GALNT11: variants seen among roughly 807,000 people sequenced by gnomAD.
GALNT11 encodes the protein polypeptide N-acetylgalactosaminyltransferase 11, also known as UDP-GalNAc:polypeptide N-acetylgalactosaminyltransferase 11.
Under a neutral mutation model 72.7 loss-of-function variants are expected in GALNT11, and 47 were observed. That is an observed-to-expected ratio of 0.65 (90% CI 0.51 to 0.82). The LOEUF (loss-of-function observed/expected upper bound fraction) is 0.82, where lower values mean the gene tolerates loss of function less well. Ranked by LOEUF, GALNT11 falls within the 40% of genes least tolerant of loss-of-function variation. GALNT11 has a pLI of 0.00. For synonymous variants in GALNT11, 270 were observed against 286.6 expected, an observed-to-expected ratio of 0.94 and a Z score of 0.58; for missense variants, 677 against 778.4, an observed-to-expected ratio of 0.87 and a Z score of 1.55.
At chr7:152,074,349 A>C (rs1271891483) in intron 1 of GALNT11, 1 of 152,286 alleles carries the variant, frequency 6.6e-6, no homozygotes, top group South Asian at 2.1e-4. Context: ...ATTCCTCTGC[A>C]TATGAATATC....
chr7:152,107,291 G>A (rs2087675653), intron 5 of GALNT11: 1 of 151,692 alleles, frequency 6.6e-6, no homozygotes, highest in Non-Finnish European at 1.5e-5. Flanking sequence ...ATCAAGAGGA[G>A]CTTAAAATGC....
chr7:152,083,227 G>A (rs548148544), intron 1 of GALNT11, among the ~76,000 whole-genome samples: 10 of 151,982 alleles, frequency 6.6e-5, no homozygotes, highest in Non-Finnish European at 1.3e-4. Context: ...TTTAGTCCTA[G>A]CTAGAAAAAT....
At chr7:152,067,694 T>C (rs2084388062) in intron 1 of GALNT11, among the ~76,000 whole-genome samples, 1 of 152,192 alleles carries the variant, frequency 6.6e-6, no homozygotes, top group South Asian at 2.1e-4. Context: ...GGACTTCTGG[T>C]CCTTTTTTAT....
At chr7:152,081,716 G>T (rs1031826269) in intron 1 of GALNT11, among the ~76,000 whole-genome samples, 1 of 152,006 alleles carries the variant, frequency 6.6e-6, no homozygotes, top group Non-Finnish European at 1.5e-5. Flanking sequence ...TCTTCTTATG[G>T]GTATCAGCTT....
Position 152,121,564 on chromosome 7 carries a change from C to G in GALNT11, c.1714C>G (p.Gln572Glu), listed in dbSNP as rs750808808. 6.2e-7 allele frequency: 1 copy of G among 1,610,638 alleles called. No homozygotes were observed. The highest frequency in any genetic ancestry group is 8.5e-7 in the Non-Finnish European group (1 of 1,178,998). Residue 572 changes from glutamine to glutamate, a missense_variant, in exon 12 of 12, where the codon CAG becomes GAG. By Grantham distance (29) the Gln-to-Glu change is conservative (BLOSUM62 2). Coordinates refer to ENST00000430044, the MANE Select transcript of GALNT11 (RefSeq NM_022087.4). ...TTTTCAGAAAAACAATCGGCTATAC[C>G]AGGTGTCGGTTGGACAGTGCCTGAG... is the stretch of plus-strand genomic sequence containing the variant. ...WTFGKNNRLY[Q>E]VSVGQCLRAV...
chr7:152,034,261 C>G (rs2082447974), intron 1 of GALNT11, among the ~76,000 whole-genome samples: 1 of 152,082 alleles, frequency 6.6e-6, no homozygotes, highest in African/African-American at 2.4e-5. Flanking sequence ...CTGAGAGGTC[C>G]TCCTATGGGA....
At chr7:152,054,270 A>G (rs1438800713) in intron 1 of GALNT11, among the ~76,000 whole-genome samples, 1 of 152,040 alleles carries the variant, frequency 6.6e-6, no homozygotes, top group Non-Finnish European at 1.5e-5. Flanking sequence ...TGGTAAAAAG[A>G]CAAGGGAACT....
At chr7:152,038,864 G>A (rs1373904248) in intron 1 of GALNT11, among the ~76,000 whole-genome samples, 1 of 152,186 alleles carries the variant, frequency 6.6e-6, no homozygotes, top group Non-Finnish European at 1.5e-5. Flanking sequence ...TGGCTGTGAT[G>A]CTTTAAATAT....
At chr7:152,071,596 G>C (rs2084653716) in intron 1 of GALNT11, among the ~76,000 whole-genome samples, 1 of 152,138 alleles carries the variant, frequency 6.6e-6, no homozygotes, top group Non-Finnish European at 1.5e-5. Context: ...TTCCTCAGCT[G>C]ACAGGATTAA....
At chr7:152,083,284 A>G (rs1401149608) in intron 1 of GALNT11, among the ~76,000 whole-genome samples, 1 of 152,088 alleles carries the variant, frequency 6.6e-6, no homozygotes, top group Non-Finnish European at 1.5e-5. Flanking sequence ...ATTCTCTTCT[A>G]GTACTTGTAT....
intron 1 of GALNT11, among the ~76,000 whole-genome samples, chr7:152,027,404 C>T (rs1453788147): frequency 6.6e-6 from 1 of 152,196 alleles, no homozygotes; most frequent in African/African-American, 2.4e-5. Flanking sequence ...CTACAAACAA[C>T]CTGCAAGGCT....
chr7:152,055,072 G>A (rs150518020), intron 1 of GALNT11, among the ~76,000 whole-genome samples: 49 of 152,242 alleles, frequency 3.2e-4, no homozygotes, highest in African/African-American at 1.1e-3. Flanking sequence ...AAGGCAGCGC[G>A]GGGGCAGAAT....
chr7:152,101,883 T>G (rs1337956335), intron 3 of GALNT11, among the ~76,000 whole-genome samples: 1 of 152,050 alleles, frequency 6.6e-6, no homozygotes, highest in East Asian at 1.9e-4. Context: ...CTGCCCACCT[T>G]GGCCTCCCAA....
At chr7:152,041,180 G>A (rs2082842761) in intron 1 of GALNT11, among the ~76,000 whole-genome samples, 3 of 152,126 alleles carry the variant, frequency 2.0e-5, no homozygotes, top group Non-Finnish European at 4.4e-5. Context: ...TGTTGATTTG[G>A]TCCTGGAGAA....
intron 1 of GALNT11, among the ~76,000 whole-genome samples, chr7:152,090,109 C>T (rs1164565815): frequency 6.6e-6 from 1 of 152,160 alleles, no homozygotes; most frequent in Non-Finnish European, 1.5e-5. Context: ...TAGGGAGGGG[C>T]TGTTATCATC....
Position 152,107,975 on chromosome 7 carries a change from G to GGGT in GALNT11, c.713-59_713-57dup, listed in dbSNP as rs2087771730. 2.6e-6 allele frequency: 4 copies of GGGT among 1,547,392 alleles called. No individual in the cohort carries two copies. The Admixed American group carries it at 7.1e-5, about 28-fold the overall frequency. ...GTGTCAGCGCGTCATCCCATTGGACGGGTGGTTGTACCTAAATTGAGTGTT... is the reference window on the plus strand; with the variant it reads ...GTGTCAGCGCGTCATCCCATTGGACGGGTGGTGGTTGTACCTAAATTGAGTGTT... On this transcript the variant is annotated intron_variant, in intron 5 of 11. Coordinates refer to ENST00000430044, the MANE Select transcript of GALNT11 (RefSeq NM_022087.4).
chr7:152,105,271 T>A lies in GALNT11; in HGVS notation c.613T>A (p.Tyr205Asn), dbSNP rs760790951. The change falls in exon 5 of 12, where the codon TAT becomes AAT. Residue 205 changes from tyrosine (Y) to asparagine (N), a missense_variant. Coordinates refer to ENST00000430044, the MANE Select transcript of GALNT11 (RefSeq NM_022087.4). ...FDDLKGELDE[Y>N]VQKYLPGKIK... is the part of the protein sequence containing the mutation. Reference sequence around the variant, plus strand: ...TGATTTGAAAGGAGAACTAGATGAATATGTCCAAAAATACCTCCCTGGAAA... The same window carrying A: ...TGATTTGAAAGGAGAACTAGATGAAAATGTCCAAAAATACCTCCCTGGAAA... The A allele has an allele frequency of 6.2e-7, 1 of 1,613,898 alleles. No individual in the cohort carries two copies. The highest frequency in any genetic ancestry group is 8.5e-7 in the Non-Finnish European group (1 of 1,179,916).
chr7:152,087,246 G>T (rs1294325028), intron 1 of GALNT11, among the ~76,000 whole-genome samples: 1 of 152,142 alleles, frequency 6.6e-6, no homozygotes, highest in Admixed American at 6.5e-5. Context: ...ATGTTTAGTG[G>T]GTGGATTGAA....
rs78089964 is a variant in GALNT11, at chr7:152,103,637, A to G, written c.586+359A>G. 3.3e-3 allele frequency: 738 copies of G among 224,014 alleles called. 4 individuals carry two copies. Among genetic ancestry groups the G allele is most frequent in the African/African-American group, 0.015 (703 of 45,504 alleles). 13.9% of individuals were successfully genotyped at this position (224,014 alleles called of 1,614,324 possible). A position where few individuals can be genotyped will look rare whatever the true frequency, so the allele number is the denominator to read the frequency against. On this transcript the variant is annotated intron_variant, in intron 4 of 11. Transcript: ENST00000430044. ...CAGAACCAGGAATCCACATTGGTAC[A>G]GTGTGTGTGGTCCAGGGTCATTCTG...
Sources: allele counts gnomAD v4.1 joint callset (sites outside exome capture counted in the v4.1 genomes callset), GRCh38; gene constraint gnomAD v4.1.1; transcripts MANE v1.5; gene names NCBI Gene and HGNC (gene_info 2026-07-23, HGNC 2026-07-21).